Variants in ELOVL6 observed in about 807,000 individuals in gnomAD.
ELOVL6 encodes the protein ELOVL fatty acid elongase 6.
ELOVL6 carries 8 observed loss-of-function variants against 31.7 expected under a neutral mutation model. The observed-to-expected ratio is 0.25, with a 90% CI of 0.15 to 0.45. The LOEUF (loss-of-function observed/expected upper bound fraction) is 0.45. Among genes scored for constraint, ELOVL6 ranks in the 20% least tolerant of loss-of-function variants. The probability of loss-of-function intolerance (pLI) is 1.00; values close to 1 mark genes in which losing one functional copy is unlikely to be tolerated. For synonymous variants in ELOVL6, 101 were observed against 117.7 expected, an observed-to-expected ratio of 0.86 and a Z score of 0.92; for missense variants, 126 against 326.4, an observed-to-expected ratio of 0.39 and a Z score of 4.73.
At chr4:110,086,619 G>A (rs1282504310) in intron 2 of ELOVL6, among the ~76,000 whole-genome samples, 4 of 152,114 alleles carry the variant, frequency 2.6e-5, no homozygotes, top group African/African-American at 7.2e-5. Flanking sequence ...TTATTTTAAT[G>A]ACCACTATTG....
chr4:110,196,866 T>A (rs1578297444), intron 1 of ELOVL6, among the ~76,000 whole-genome samples: 1 of 151,772 alleles, frequency 6.6e-6, no homozygotes, highest in Non-Finnish European at 1.5e-5. Flanking sequence ...AAGCTGGGAG[T>A]GGGCGCGCTC....
chr4:110,188,624 A>G (rs1273038020), intron 1 of ELOVL6, among the ~76,000 whole-genome samples: 3 of 152,160 alleles, frequency 2.0e-5, no homozygotes. Context: ...GCGGTGGCTC[A>G]TGACTGTTAT....
At chr4:110,084,863 G>A (rs1377135445) in intron 2 of ELOVL6, among the ~76,000 whole-genome samples, 1 of 151,648 alleles carries the variant, frequency 6.6e-6, no homozygotes, top group Non-Finnish European at 1.5e-5. Flanking sequence ...AAAGTGCTGG[G>A]ATTACAGGTG....
At position 110,047,597 on chromosome 4, in the gene ELOVL6, A is replaced by G. The variant is rs1489463520; in HGVS notation, c.*3741T>C. ...ATGAAGATGCTACATCTGATTTAAA[A>G]AAACATTCTGGGCCAGGCACGGTGG... On this transcript the variant is annotated 3_prime_UTR_variant, in exon 4 of 4. Transcript: ENST00000302274. 6.6e-6 allele frequency: 1 copy of G among 152,284 alleles called. No individual in the cohort carries two copies. Among genetic ancestry groups the G allele is most frequent in the Non-Finnish European group, 1.5e-5 (1 of 68,134 alleles). 9.4% of individuals were successfully genotyped at this position (152,284 alleles called of 1,614,324 possible).
intron 1 of ELOVL6, among the ~76,000 whole-genome samples, chr4:110,155,578 C>T (rs2126267049): frequency 1.3e-5 from 2 of 152,100 alleles, no homozygotes; most frequent in African/African-American, 4.8e-5. Context: ...ACTTATTTTT[C>T]CTCTAACACA....
At chr4:110,137,740 A>G (rs777483314) in intron 1 of ELOVL6, among the ~76,000 whole-genome samples, 8 of 152,216 alleles carry the variant, frequency 5.3e-5, no homozygotes, top group Non-Finnish European at 8.8e-5. Flanking sequence ...ATTCCTCAAC[A>G]ACACACTCTG....
At chr4:110,100,619 C>G (rs1206972843) in intron 2 of ELOVL6, among the ~76,000 whole-genome samples, 1 of 152,204 alleles carries the variant, frequency 6.6e-6, no homozygotes. Flanking sequence ...AGCTAACAGG[C>G]AACCTTGAGG....
intron 1 of ELOVL6, among the ~76,000 whole-genome samples, chr4:110,117,277 C>T (rs1757194422): frequency 6.6e-6 from 1 of 151,988 alleles, no homozygotes; most frequent in African/African-American, 2.4e-5. Flanking sequence ...AATATGGAGA[C>T]AGAAATTAAG....
chr4:110,196,575 G>A (rs1759797274), intron 1 of ELOVL6, among the ~76,000 whole-genome samples: 1 of 152,222 alleles, frequency 6.6e-6, no homozygotes, highest in African/African-American at 2.4e-5. Context: ...ACCTCCTTCC[G>A]GACCCACCCC....
At chr4:110,094,062 C>CGT (rs1055903200) in intron 2 of ELOVL6, among the ~76,000 whole-genome samples, 8 of 151,654 alleles carry the variant, frequency 5.3e-5, no homozygotes, top group African/African-American at 1.7e-4. Flanking sequence ...CCAGCCTGGC[C>CGT]GACATGGCAA....
At chr4:110,094,437 AT>A (rs1560820676) in intron 2 of ELOVL6, among the ~76,000 whole-genome samples, 18 of 65,270 alleles carry the variant, frequency 2.8e-4, no homozygotes, top group East Asian at 2.7e-3. Flanking sequence ...ATATATATAT[AT>A]ATATAATATA....
intron 1 of ELOVL6, among the ~76,000 whole-genome samples, chr4:110,139,183 C>T (rs1460908621): frequency 6.6e-6 from 1 of 152,010 alleles, no homozygotes; most frequent in African/African-American, 2.4e-5. Context: ...AAACGTTTTT[C>T]TTCTATGAAA....
chr4:110,161,402 C>G (rs1403824735), intron 1 of ELOVL6, among the ~76,000 whole-genome samples: 5 of 152,160 alleles, frequency 3.3e-5, no homozygotes, highest in Non-Finnish European at 7.3e-5. Flanking sequence ...AACCCCAAGT[C>G]TATACTGATG....
At chr4:110,076,942 C>T (rs1055019464) in intron 2 of ELOVL6, among the ~76,000 whole-genome samples, 10 of 152,186 alleles carry the variant, frequency 6.6e-5, no homozygotes, top group Non-Finnish European at 1.5e-4. Context: ...GATTATATCC[C>T]GTGACTGGCT....
chr4:110,184,682 G>C (rs1759389030), intron 1 of ELOVL6, among the ~76,000 whole-genome samples: 1 of 152,130 alleles, frequency 6.6e-6, no homozygotes, highest in Non-Finnish European at 1.5e-5. Flanking sequence ...GAGAAAAAGG[G>C]AACTGACAGC....
chr4:110,158,993 C>G (rs1434407991), intron 1 of ELOVL6, among the ~76,000 whole-genome samples: 1 of 152,030 alleles, frequency 6.6e-6, no homozygotes, highest in Non-Finnish European at 1.5e-5. Context: ...AACAAATAGT[C>G]ATGACTCACA....
At chr4:110,055,365 G>A (rs1431882945) in intron 3 of ELOVL6, among the ~76,000 whole-genome samples, 3 of 152,118 alleles carry the variant, frequency 2.0e-5, no homozygotes, top group Admixed American at 6.5e-5. Context: ...TTGGCATAAC[G>A]GGAAGGACAT....
At chr4:110,072,552 T>C (rs1755522305) in intron 2 of ELOVL6, among the ~76,000 whole-genome samples, 1 of 152,092 alleles carries the variant, frequency 6.6e-6, no homozygotes, top group African/African-American at 2.4e-5. Context: ...GTAGGCTCTT[T>C]AGTTGCAAGG....
At position 110,087,250 on chromosome 4, in the gene ELOVL6, G is replaced by T. The variant is rs562014907; in HGVS notation, c.221+18247C>A. On this transcript the variant is annotated intron_variant, in intron 2 of 3. Transcript: ENST00000302274. ...TACCTAAAAGTCACCAAGGGAGCCTGATTGAAACCCTCAACTCTGTATTAT... is the reference window on the plus strand; with the variant it reads ...TACCTAAAAGTCACCAAGGGAGCCTTATTGAAACCCTCAACTCTGTATTAT... Among the ~76,000 whole-genome samples, 321 of 152,212 alleles carry T rather than the reference G, an allele frequency of 2.1e-3. 2 individuals are homozygous for T. The highest frequency in any genetic ancestry group is 3.2e-3 in the Non-Finnish European group (219 of 67,994).
Sources: allele counts gnomAD v4.1 joint callset (sites outside exome capture counted in the v4.1 genomes callset), GRCh38; gene constraint gnomAD v4.1.1; transcripts MANE v1.5; gene names NCBI Gene and HGNC (gene_info 2026-07-23, HGNC 2026-07-21).